NCAM2: variants seen among roughly 807,000 people sequenced by gnomAD.
NCAM2 encodes N-CAM-2.
A neutral mutation model predicts 98.1 loss-of-function variants in NCAM2; 30 were observed. The observed-to-expected ratio is 0.31, with a 90% CI of 0.23 to 0.41. The LOEUF (loss-of-function observed/expected upper bound fraction) is 0.41, where lower values mean the gene tolerates loss of function less well. Among genes scored for constraint, NCAM2 ranks in the 10% least tolerant of loss-of-function variants. The pLI is 1.00. For synonymous variants in NCAM2, 368 were observed against 342.4 expected (o/e 1.07, Z -0.83); for missense variants, 867 against 1,005.8 (o/e 0.86, Z 1.87).
Position 21,280,618 on chromosome 21 carries a change from T to G in NCAM2, c.96T>G (p.Leu32=). 1 of 1,601,978 alleles carries G rather than the reference T, an allele frequency of 6.2e-7. No individual in the cohort carries two copies. The highest frequency in any genetic ancestry group is 8.5e-7 in the Non-Finnish European group (1 of 1,175,332). The change falls in exon 2 of 18, where the codon CTT becomes CTG. Residue 32 remains leucine, a synonymous_variant. Transcript: ENST00000400546. ...QVTISLSKVE[L]SVGESKFFTC... ...CAATTTCACTTAGCAAAGTAGAGCTTAGTGTTGGAGAATCTAAATTCTTCA... is the reference window on the plus strand; with the variant it reads ...CAATTTCACTTAGCAAAGTAGAGCTGAGTGTTGGAGAATCTAAATTCTTCA...
intron 15 of NCAM2, among the ~76,000 whole-genome samples, chr21:21,497,044 A>G (rs1987291334): frequency 6.6e-6 from 1 of 152,132 alleles, no homozygotes; most frequent in South Asian, 2.1e-4. Context: ...AAAAAATGAC[A>G]TCATGTCCTT....
chr21:21,159,173 A>T (rs2067704036), intron 1 of NCAM2, among the ~76,000 whole-genome samples: 1 of 152,216 alleles, frequency 6.6e-6, no homozygotes, highest in Non-Finnish European at 1.5e-5. Context: ...GATATAAATA[A>T]AAAATATCTT....
At chr21:21,249,742 G>A (rs998622744) in intron 1 of NCAM2, among the ~76,000 whole-genome samples, 5 of 151,952 alleles carry the variant, frequency 3.3e-5, no homozygotes, top group Non-Finnish European at 7.4e-5. Flanking sequence ...GTCCCTACAA[G>A]GAACAAGAGA....
chr21:21,088,726 C>T (rs1480456152), intron 1 of NCAM2, among the ~76,000 whole-genome samples: 1 of 152,130 alleles, frequency 6.6e-6, no homozygotes, highest in Non-Finnish European at 1.5e-5. Flanking sequence ...GGAGCGGTGG[C>T]TCACGCCTGT....
intron 1 of NCAM2, among the ~76,000 whole-genome samples, chr21:21,014,389 A>G (rs1319063185): frequency 6.7e-6 from 1 of 149,164 alleles, no homozygotes; most frequent in African/African-American, 2.5e-5. Flanking sequence ...GTGCTATTGC[A>G]CTCCAGCCTG....
chr21:21,069,569 C>A (rs1214830299), intron 1 of NCAM2, among the ~76,000 whole-genome samples: 3 of 152,166 alleles, frequency 2.0e-5, no homozygotes, highest in Non-Finnish European at 4.4e-5. Flanking sequence ...ACTGTGTACC[C>A]ACTCAAACAC....
At chr21:21,282,189 G>A (rs940034965) in intron 2 of NCAM2, among the ~76,000 whole-genome samples, 8 of 151,680 alleles carry the variant, frequency 5.3e-5, no homozygotes, top group Non-Finnish European at 7.4e-5. Context: ...TAGAACACAC[G>A]AATTGTATCA....
chr21:21,092,528 A>G (rs2066034638), intron 1 of NCAM2, among the ~76,000 whole-genome samples: 2 of 152,024 alleles, frequency 1.3e-5, no homozygotes, highest in Admixed American at 6.6e-5. Context: ...GGTGACTCAT[A>G]GAAACTACCT....
At chr21:21,312,358 CT>C in intron 5 of NCAM2, among the ~76,000 whole-genome samples, 1 of 150,910 alleles carries the variant, frequency 6.6e-6, no homozygotes, top group Admixed American at 6.6e-5. Flanking sequence ...ACTCAATATA[CT>C]TAATATAATT....
Position 21,531,271 on chromosome 21 carries a change from AT to A in NCAM2, c.2283-3259del, listed in dbSNP as rs1228000757. 5.9e-5 allele frequency among the ~76,000 whole-genome samples: 9 copies of A among 152,060 alleles called. No individual in the cohort carries two copies. In the South Asian group the frequency reaches 6.2e-4, roughly 10 times the overall value. On this transcript the variant is annotated intron_variant, in intron 16 of 17. Transcript: ENST00000400546. ...ATCTGCAAGTTTATGAATTTCATAAATTTTTTTCAGTGTTGACATTTTCATT... is the reference window on the plus strand; with the variant it reads ...ATCTGCAAGTTTATGAATTTCATAAATTTTTTCAGTGTTGACATTTTCATT...
intron 14 of NCAM2, among the ~76,000 whole-genome samples, chr21:21,473,014 A>ACG (rs1569099396): frequency 6.6e-6 from 1 of 151,140 alleles, no homozygotes; most frequent in Non-Finnish European, 1.5e-5. Context: ...ACACACACAC[A>ACG]CGTATATATA....
chr21:21,226,090 A>G (rs962539996), intron 1 of NCAM2, among the ~76,000 whole-genome samples: 6 of 152,070 alleles, frequency 3.9e-5, no homozygotes, highest in Non-Finnish European at 7.4e-5. Context: ...CTCACTTATA[A>G]GTAAGATATA....
rs143168710 is a variant in NCAM2, at chr21:21,413,129, A to G, written c.1383+2668A>G. On this transcript the variant is annotated intron_variant, in intron 10 of 17. Transcript: ENST00000400546. ...ATGCCTCTGTAATCTGTAAAGGTCA[A>G]GGTCATCAAAACTTTATTTTTTTAA... Among the ~76,000 whole-genome samples, 52 of 152,298 alleles carry G rather than the reference A, an allele frequency of 3.4e-4. No homozygotes were observed. In the East Asian group the frequency reaches 0.01, roughly 29 times the overall value.
chr21:21,384,525 T>G (rs2076224015), intron 9 of NCAM2, among the ~76,000 whole-genome samples: 1 of 151,920 alleles, frequency 6.6e-6, no homozygotes, highest in African/African-American at 2.4e-5. Flanking sequence ...ACCAAATATA[T>G]TGGAAATCTA....
intron 1 of NCAM2, among the ~76,000 whole-genome samples, chr21:21,077,996 A>C (rs2065714695): frequency 6.6e-6 from 1 of 152,148 alleles, no homozygotes; most frequent in African/African-American, 2.4e-5. Flanking sequence ...TTTTTTAGGT[A>C]ATAGAAATAG....
intron 15 of NCAM2, among the ~76,000 whole-genome samples, chr21:21,508,374 TAA>T (rs1181097842): frequency 1.3e-5 from 2 of 152,292 alleles, no homozygotes; most frequent in African/African-American, 4.8e-5. Context: ...TTTTCAAGTT[TAA>T]GTTTTAAAAC....
chr21:21,204,595 C>G (rs959157787), intron 1 of NCAM2, among the ~76,000 whole-genome samples: 1 of 152,114 alleles, frequency 6.6e-6, no homozygotes, highest in East Asian at 1.9e-4. Context: ...AAGGTGTCAT[C>G]TAACCTTGAC....
At chr21:21,480,534 C>A (rs1377843912) in intron 15 of NCAM2, among the ~76,000 whole-genome samples, 2 of 151,920 alleles carry the variant, frequency 1.3e-5, no homozygotes, top group Non-Finnish European at 2.9e-5. Flanking sequence ...GTGGAAAAGG[C>A]ATGTGTGGAA....
intron 1 of NCAM2, among the ~76,000 whole-genome samples, chr21:21,071,970 T>G (rs1045413743): frequency 2.6e-4 from 39 of 152,026 alleles, no homozygotes; most frequent in South Asian, 4.1e-4. Flanking sequence ...TGGAGTGCAG[T>G]GGCGCGATCT....
Sources: gnomAD v4.1 joint callset for allele counts (sites outside exome capture counted in the v4.1 genomes callset) on GRCh38, gnomAD v4.1.1 for gene constraint, MANE v1.5 for transcripts, NCBI Gene and HGNC (gene_info 2026-07-23, HGNC 2026-07-21) for gene names.